The following DMD variants were observed in gnomAD, a reference collection of about 807,000 sequenced individuals.
DMD encodes the protein dystrophin, also known as mutant dystrophin.
Under a neutral mutation model 330.1 loss-of-function variants are expected in DMD, and 63 were observed. The ratio of observed to expected loss-of-function variants is 0.19; its 90% CI spans 0.16 to 0.24. The LOEUF (loss-of-function observed/expected upper bound fraction) is 0.24, where lower values mean the gene tolerates loss of function less well. Ranked by LOEUF, DMD falls within the 10% of genes least tolerant of loss-of-function variation. The pLI is 1.00. For synonymous variants in DMD, 1,223 were observed against 959.8 expected (o/e 1.27, Z -5.07); for missense variants, 3,344 against 2,684.1 (o/e 1.25, Z -5.43).
chrX:32,500,054 A>G (rs1366151888), intron 19 of DMD, among the ~76,000 whole-genome samples: 1 of 110,744 alleles, frequency 9.0e-6, no homozygotes, highest in Non-Finnish European at 1.9e-5. Flanking sequence ...GTTCGACCAT[A>G]TCTTTACTGG....
chrX:32,543,119 C>A (rs1255784381), intron 17 of DMD, among the ~76,000 whole-genome samples: 1 of 111,503 alleles, frequency 9.0e-6, no homozygotes, highest in East Asian at 2.8e-4. Flanking sequence ...CATGCGATGC[C>A]AATAAAGCAC....
rs180921317 is a variant in DMD at position 32,191,543 on chromosome X, C to T, written c.6438+25373G>A. Among the ~76,000 whole-genome samples, 18 of 111,302 alleles carry T rather than the reference C, an allele frequency of 1.6e-4. No individual in the cohort carries two copies. In the East Asian group the frequency reaches 2.6e-3, roughly 16 times the overall value. ...CTTTGCCAGGAGCTATGCTAGGTCC[C>T]GGGAACACGATTTTGGGCAAAATAG... On this transcript the variant is annotated intron_variant, in intron 44 of 78. Coordinates refer to ENST00000357033, the MANE Select transcript of DMD (RefSeq NM_004006.3).
chrX:32,668,757 A>AT (rs11360330), intron 9 of DMD, among the ~76,000 whole-genome samples: 4,170 of 105,178 alleles, frequency 0.04, 201 homozygotes, highest in African/African-American at 0.12. Flanking sequence ...AACTTGAAAG[A>AT]TTTTTTTTTT....
intron 52 of DMD, among the ~76,000 whole-genome samples, chrX:31,708,099 T>C (rs2084337336): frequency 8.9e-6 from 1 of 112,131 alleles, no homozygotes; most frequent in Non-Finnish European, 1.9e-5. Context: ...TAGATGTTTA[T>C]ATTTCAGCTA....
At chrX:32,750,428 C>T in intron 7 of DMD, among the ~76,000 whole-genome samples, 2 of 111,631 alleles carry the variant, frequency 1.8e-5, no homozygotes, top group African/African-American at 6.5e-5. Flanking sequence ...AAGAAATGTG[C>T]AAAATATCTA....
At chrX:32,427,899 G>A (rs1157575356) in intron 29 of DMD, among the ~76,000 whole-genome samples, 1 of 110,931 alleles carries the variant, frequency 9.0e-6, no homozygotes, top group Non-Finnish European at 1.9e-5. Context: ...AAACTTATTT[G>A]CATAGCTTTT....
rs768478309 is a variant in DMD at position 32,416,904 on chromosome X, A to ATAG, written c.4072-4994_4072-4992dup. On this transcript the variant is annotated intron_variant, in intron 29 of 78. Transcript: ENST00000357033. The stretch of plus-strand genomic sequence containing the variant: ...AACACTTGCTTCAGTGGATCAAGCA[A>ATAG]TAGTTCAGTGGTCCAACTATTTCCT... 3.3e-3 allele frequency among the ~76,000 whole-genome samples: 368 copies of ATAG among 112,031 alleles called. 1 individual carries two copies. The highest frequency in any genetic ancestry group is 5.7e-3 in the Non-Finnish European group (304 of 53,230).
chrX:33,316,641 C>G (rs1464856803), intron 1 of DMD, among the ~76,000 whole-genome samples: 1 of 110,885 alleles, frequency 9.0e-6, no homozygotes, highest in African/African-American at 3.3e-5. Flanking sequence ...TAATAATTTC[C>G]TTCTATTTCT....
At chrX:32,560,203 T>C (rs908115222) in intron 16 of DMD, among the ~76,000 whole-genome samples, 7 of 107,619 alleles carry the variant, frequency 6.5e-5, no homozygotes, top group African/African-American at 2.0e-4. Context: ...AAAATATATA[T>C]ATATATGCTT....
At chrX:32,891,220 A>G (rs2085168848) in intron 2 of DMD, among the ~76,000 whole-genome samples, 1 of 111,904 alleles carries the variant, frequency 8.9e-6, no homozygotes, top group African/African-American at 3.3e-5. Context: ...AGTTTTGCGA[A>G]CATTTATTCC....
At chrX:32,691,045 T>G (rs1261649498) in intron 9 of DMD, among the ~76,000 whole-genome samples, 1 of 111,248 alleles carries the variant, frequency 9.0e-6, no homozygotes, top group Non-Finnish European at 1.9e-5. Context: ...AAAGGCAATC[T>G]ATGGAATGGG....
intron 55 of DMD, among the ~76,000 whole-genome samples, chrX:31,575,202 T>C (rs2076036860): frequency 8.9e-6 from 1 of 112,170 alleles, no homozygotes; most frequent in Admixed American, 9.5e-5. Context: ...CTTAGTTTTG[T>C]AGATGTATAA....
chrX:31,995,242 G>A (rs2150334485), intron 44 of DMD, among the ~76,000 whole-genome samples: 1 of 111,855 alleles, frequency 8.9e-6, no homozygotes, highest in African/African-American at 3.2e-5. Flanking sequence ...AGTCCACAGA[G>A]TGAAAAATGA....
intron 57 of DMD, among the ~76,000 whole-genome samples, chrX:31,493,310 T>C (rs917721892): frequency 8.9e-6 from 1 of 112,235 alleles, no homozygotes; most frequent in Admixed American, 9.5e-5. Context: ...GTAACACATG[T>C]ACGTGATGAC....
At chrX:33,116,127 A>G (rs1169964363) in intron 1 of DMD, among the ~76,000 whole-genome samples, 11 of 109,480 alleles carry the variant, frequency 1.0e-4, no homozygotes, top group African/African-American at 3.7e-4. Flanking sequence ...CAGGAGGCAG[A>G]GGTTGCAGTG....
intron 7 of DMD, among the ~76,000 whole-genome samples, chrX:32,724,243 CT>C (rs892177529): frequency 9.0e-6 from 1 of 111,152 alleles, no homozygotes; most frequent in African/African-American, 3.3e-5. Context: ...TTAAATCAGA[CT>C]TTTTTGCTGA....
At chrX:32,527,611 A>G (rs1238092624) in intron 17 of DMD, among the ~76,000 whole-genome samples, 1 of 110,829 alleles carries the variant, frequency 9.0e-6, no homozygotes, top group Non-Finnish European at 1.9e-5. Flanking sequence ...CGAGTAATAG[A>G]ATACAAATTC....
chrX:31,908,682 G>T (rs1211053127), intron 47 of DMD, among the ~76,000 whole-genome samples: 1 of 110,264 alleles, frequency 9.1e-6, no homozygotes, highest in South Asian at 3.8e-4. Flanking sequence ...AAACCTGCAC[G>T]TTGTGCACAT....
Position 32,376,164 on chromosome X carries a change from C to A in DMD, c.4845+4346G>T, listed in dbSNP as rs536891172. ...GGTATGGTGGCAGGTGTCTGTAATC[C>A]CAGCTACCCGGGAGGCTGGGGCAGG... is the stretch of plus-strand genomic sequence containing the variant. On this transcript the variant is annotated intron_variant, in intron 34 of 78. Coordinates refer to ENST00000357033, the MANE Select transcript of DMD (RefSeq NM_004006.3). 8.1e-5 allele frequency among the ~76,000 whole-genome samples: 9 copies of A among 111,350 alleles called. No individual in the cohort carries two copies. The Admixed American group carries it at 8.6e-4, about 11-fold the overall frequency.
Sources: gnomAD v4.1 joint callset for allele counts (sites outside exome capture counted in the v4.1 genomes callset) on GRCh38, gnomAD v4.1.1 for gene constraint, MANE v1.5 for transcripts, NCBI Gene and HGNC (gene_info 2026-07-23, HGNC 2026-07-21) for gene names.